NOTCH4: variants seen among roughly 807,000 people sequenced by gnomAD.
NOTCH4 encodes the protein notch receptor 4, also known as neurogenic locus notch homolog protein 4.
NOTCH4 carries 138 observed loss-of-function variants against 189.0 expected under a neutral mutation model. The ratio of observed to expected loss-of-function variants is 0.73; its 90% CI spans 0.64 to 0.84. The LOEUF (loss-of-function observed/expected upper bound fraction) is 0.84, where lower values mean the gene tolerates loss of function less well. Among genes scored for constraint, NOTCH4 ranks in the 40% least tolerant of loss-of-function variants. The probability of loss-of-function intolerance (pLI) is 0.00; values close to 1 mark genes in which losing one functional copy is unlikely to be tolerated. For synonymous variants in NOTCH4, 942 were observed against 1,032.8 expected (o/e 0.91, Z 1.69); for missense variants, 2,286 against 2,605.4 (o/e 0.88, Z 2.67).
chr6:32,218,040 C>A lies in NOTCH4; in HGVS notation c.1579G>T (p.Asp527Tyr), dbSNP rs1789523098. Reference protein sequence around the residue: ...CASAPCLNHADCHDLLNGFQC... With the variant: ...CASAPCLNHAYCHDLLNGFQC... Reference sequence around the variant, plus strand: ...AAGCCGTTGAGCAGGTCATGGCAATCCGCGTGGTTCAGGCAGGGAGCTGAG... The same window carrying A: ...AAGCCGTTGAGCAGGTCATGGCAATACGCGTGGTTCAGGCAGGGAGCTGAG... The change falls in exon 9 of 30, where the codon GAT becomes TAT. Residue 527 changes from aspartate (D) to tyrosine (Y), a missense_variant. By Grantham distance (160) the Asp-to-Tyr change is radical (BLOSUM62 -3). Coordinates refer to ENST00000375023, the MANE Select transcript of NOTCH4 (RefSeq NM_004557.4). 1 of 1,614,014 alleles carries A rather than the reference C, an allele frequency of 6.2e-7. No homozygotes were observed. The highest frequency in any genetic ancestry group is 8.5e-7 in the Non-Finnish European group (1 of 1,179,960).
At chr6:32,214,697 G>A (rs1333903060) in intron 12 of NOTCH4, among the ~76,000 whole-genome samples, 1 of 151,150 alleles carries the variant, frequency 6.6e-6, no homozygotes. Flanking sequence ...GCATGATCTT[G>A]GCTGACTGCA....
At position 32,202,610 on chromosome 6, in the gene NOTCH4, G is replaced by A. The variant is rs758030432; in HGVS notation, c.3232-11C>T. 1 of 1,564,040 alleles carries A rather than the reference G, an allele frequency of 6.4e-7. No individual in the cohort carries two copies. The highest frequency in any genetic ancestry group is 8.7e-7 in the Non-Finnish European group (1 of 1,151,572). ...GGGGCCTTCAAAACCCTGTGGAGGG[G>A]AGGGGAGATATTGGAGATGCAACTT... On this transcript the variant is annotated splice_polypyrimidine_tract_variant and intron_variant, in intron 20 of 29. Transcript: ENST00000375023. The surrounding 1 kb of genome is among the most constrained non-coding windows in gnomAD (Gnocchi z 5.7).
At chr6:32,216,634 G>C in intron 11 of NOTCH4, 1 of 495,708 alleles carries the variant, frequency 2.0e-6, no homozygotes, top group Non-Finnish European at 3.7e-6. Flanking sequence ...ATTTGCCTCC[G>C]TATCTGGCAT....
chr6:32,196,343 T>G lies in NOTCH4; in HGVS notation c.5279A>C (p.Lys1760Thr). The G allele has an allele frequency of 6.2e-7, 1 of 1,613,124 alleles. No individual in the cohort carries two copies. Among genetic ancestry groups the G allele is most frequent in the Non-Finnish European group, 8.5e-7 (1 of 1,180,032 alleles). ...TCTAACCCTGTTGTCCTGGGCATCT[T>G]TATCGGCTCCGGCCTGGAGAAGCGA... is the stretch of plus-strand genomic sequence containing the variant. The part of the protein sequence containing the change: ...ARSLLQAGAD[K>T]DAQDNREQTP... The change falls in exon 29 of 30, where the codon AAA becomes ACA. Residue 1760 changes from lysine to threonine, a missense_variant. By Grantham distance (78) the Lys-to-Thr change is moderately conservative (BLOSUM62 -1). Around this residue, in one of 2 missense-constraint regions of NOTCH4, gnomAD observed 383 missense variants for 343.5 expected, o/e 1.11. Coordinates refer to ENST00000375023, the MANE Select transcript of NOTCH4 (RefSeq NM_004557.4).
chr6:32,196,264 C>T, intron 29 of NOTCH4, 60 bp downstream of exon 29: 2 of 1,612,912 alleles, frequency 1.2e-6, no homozygotes, highest in Non-Finnish European at 1.7e-6. Flanking sequence ...TGCGGGTTAC[C>T]GCACTTTCCA....
Position 32,197,347 on chromosome 6 carries a change from G to T in NOTCH4, c.5004C>A (p.Arg1668=). The T allele has an allele frequency of 6.5e-7, 1 of 1,536,572 alleles. No individual in the cohort carries two copies. Among genetic ancestry groups the T allele is most frequent in the East Asian group, 2.3e-5 (1 of 44,186 alleles). The change falls in exon 27 of 30, where the codon CGC becomes CGA. Residue 1668 remains arginine (R), a synonymous_variant. Coordinates refer to ENST00000375023, the MANE Select transcript of NOTCH4 (RefSeq NM_004557.4). ...ANPNQPDRAG[R]TPLHAAVAAD... ...CAGCCACAGCAGCATGAAGGGGTGT[G>T]CGCCCTGCCCGGTCTGGCTGGTTGG... is the stretch of plus-strand genomic sequence containing the variant.
intron 18 of NOTCH4, among the ~76,000 whole-genome samples, chr6:32,204,905 G>C (rs907064396): frequency 1.3e-5 from 2 of 152,106 alleles, no homozygotes; most frequent in African/African-American, 4.8e-5. Flanking sequence ...TATCTCATTC[G>C]ATTTTTACTT....
chr6:32,201,049 C>G lies in NOTCH4; in HGVS notation c.4140-43G>C, dbSNP rs1683136008. ...CAGAGACCTCTGTATTGGTCCCTGG[C>G]TCCCTTTCCTCCCTCTGCCCTCTTA... On this transcript the variant is annotated intron_variant, in intron 22 of 29. Transcript: ENST00000375023. The surrounding 1 kb of genome is among the most constrained non-coding windows in gnomAD (Gnocchi z 5.5). 6.4e-7 allele frequency: 1 copy of G among 1,560,780 alleles called. No homozygotes were observed. Among genetic ancestry groups the G allele is most frequent in the South Asian group, 1.2e-5 (1 of 81,562 alleles).
intron 18 of NOTCH4, among the ~76,000 whole-genome samples, chr6:32,208,504 G>A (rs145889342): frequency 2.0e-5 from 3 of 152,274 alleles, no homozygotes; most frequent in Non-Finnish European, 2.9e-5. Context: ...AGGTTGAGGC[G>A]GGAAGATCAT....
intron 8 of NOTCH4, among the ~76,000 whole-genome samples, chr6:32,218,551 C>T (rs1005930566): frequency 6.6e-6 from 1 of 152,168 alleles, no homozygotes; most frequent in Non-Finnish European, 1.5e-5. Context: ...ATCTGGGAAG[C>T]TTGTTGCTCC....
At chr6:32,197,912 C>T (rs1037890985) in intron 26 of NOTCH4, among the ~76,000 whole-genome samples, 1 of 151,468 alleles carries the variant, frequency 6.6e-6, no homozygotes, top group African/African-American at 2.4e-5. Context: ...AGCTCCTCCT[C>T]CCAGGTTCAC....
Position 32,212,891 on chromosome 6 carries a change from G to A in NOTCH4, c.2459C>T (p.Thr820Ile). The change falls in exon 16 of 30, where the codon ACC (threonine) becomes ATC (isoleucine). Residue 820 changes from threonine (T) to isoleucine (I), a missense_variant. Transcript: ENST00000375023. This position sits in a 1 kb window ranked among gnomAD's most constrained non-coding sequence, Gnocchi z 4.4. ...CADSPCRNRA[T>I]CQDSPQGPRC... ...GGGACCCTGAGGGCTGTCCTGGCAG[G>A]TTGCCCTATTCCTACAGGGGCTGAA... 1 of 1,559,154 alleles carries A rather than the reference G, an allele frequency of 6.4e-7. No individual in the cohort carries two copies. The highest frequency in any genetic ancestry group is 8.7e-7 in the Non-Finnish European group (1 of 1,151,148).
intron 13 of NOTCH4, 45 bp downstream of exon 13, chr6:32,214,065 G>A: frequency 6.3e-7 from 1 of 1,576,020 alleles, no homozygotes; most frequent in Non-Finnish European, 8.6e-7. Flanking sequence ...CCTTGACATA[G>A]GGGGTGACCA....
chr6:32,219,739 T>G lies in NOTCH4; in HGVS notation c.1363A>C (p.Thr455Pro). 6.2e-7 allele frequency: 1 copy of G among 1,610,952 alleles called. No homozygotes were observed. ...PCEHGGSCLN[T>P]PGSFNCLCPP... ...CAGAGGCAGTTGAAGGAGCCAGGAGTGTTGAGGCAGGAACCGCCATGTTCA... is the reference window on the plus strand; with the variant it reads ...CAGAGGCAGTTGAAGGAGCCAGGAGGGTTGAGGCAGGAACCGCCATGTTCA... Residue 455 changes from threonine to proline, a missense_variant, in exon 8 of 30, where the codon ACT (threonine) becomes CCT (proline). This residue lies in a region of NOTCH4 where 1,903 missense variants were observed against 2,261.9 expected (regional missense o/e 0.84). Coordinates refer to ENST00000375023, the MANE Select transcript of NOTCH4 (RefSeq NM_004557.4).
rs763670446 is a variant in NOTCH4, at chr6:32,212,434, TTTC to T, written c.2680+37_2680+39del. 6.4e-7 allele frequency: 1 copy of T among 1,561,574 alleles called. No individual in the cohort carries two copies. Reference sequence around the variant, plus strand: ...ACGGGGCAGGTGAGAACACCCATATTTTCTTCATTTGCTCTCCAGTCAGTGCCG... The same window carrying T: ...ACGGGGCAGGTGAGAACACCCATATTTTCATTTGCTCTCCAGTCAGTGCCG... On this transcript the variant is annotated intron_variant, in intron 17 of 29. Coordinates refer to ENST00000375023, the MANE Select transcript of NOTCH4 (RefSeq NM_004557.4). The surrounding 1 kb of genome is among the most constrained non-coding windows in gnomAD (Gnocchi z 4.4).
rs1446583476 is a variant in NOTCH4 at position 32,210,907 on chromosome 6, C to T, written c.2710G>A (p.Gly904Arg). The T allele has an allele frequency of 1.2e-6, 2 of 1,605,490 alleles. No individual in the cohort carries two copies. The highest frequency in any genetic ancestry group is 1.7e-5 in the Admixed American group (1 of 58,520). ...GGGCCGCTGTCGACACAGAGGCCTC[C>T]ATTGTGGCAAAGGGAAGAGACGTCT... ...GIDVSSLCHNGGLCVDSGPSY... is the reference protein window; with the variant it reads ...GIDVSSLCHNRGLCVDSGPSY... Residue 904 changes from glycine (G) to arginine (R), a missense_variant, in exon 18 of 30, where the codon GGA (glycine) becomes AGA (arginine). Gly to Arg is a moderately radical substitution (Grantham distance 125, BLOSUM62 -2). Transcript: ENST00000375023. The surrounding 1 kb of genome is among the most constrained non-coding windows in gnomAD (Gnocchi z 4.8).
rs988401099 is a variant in NOTCH4, at chr6:32,195,901, C to A, written c.5548G>T (p.Val1850Leu). 1.3e-6 allele frequency: 2 copies of A among 1,587,412 alleles called. No homozygotes were observed. The highest frequency in any genetic ancestry group is 2.7e-5 in the African/African-American group (2 of 74,742). ...FPRARTVSVSVPPHGGGALPR... is the reference protein window; with the variant it reads ...FPRARTVSVSLPPHGGGALPR... ...AGAGCCCCGCCCCCATGCGGGGGCA[C>A]GCTTACTGACACCGTCCGTGCGCGC... The change falls in exon 30 of 30, where the codon GTG (valine) becomes TTG (leucine). Residue 1850 changes from valine to leucine, a missense_variant. Val to Leu is a conservative substitution (Grantham distance 32, BLOSUM62 1). This residue lies in a region of NOTCH4 where 383 missense variants were observed against 343.5 expected (regional missense o/e 1.11). Transcript: ENST00000375023. The surrounding 1 kb of genome is among the most constrained non-coding windows in gnomAD (Gnocchi z 5.4).
Position 32,222,536 on chromosome 6 carries a change from C to T in NOTCH4, c.426G>A (p.Gln142=). The T allele has an allele frequency of 6.4e-7, 1 of 1,553,920 alleles. No individual in the cohort carries two copies. Among genetic ancestry groups the T allele is most frequent in the Non-Finnish European group, 8.7e-7 (1 of 1,155,246 alleles). ...RCHIQASGRP[Q]CSCMPGWTGE... is the part of the protein sequence containing the mutation. ...CTGTCCATCCAGGCATGCAGGAGCA[C>T]TGTGGGCGGCCCGAGGCCTGGATGT... Residue 142 remains glutamine (Q), a synonymous_variant, in exon 3 of 30, where the codon CAG becomes CAA. Coordinates refer to ENST00000375023, the MANE Select transcript of NOTCH4 (RefSeq NM_004557.4).
rs1788191327 is a variant in NOTCH4, at chr6:32,199,358, G to A, written c.4316-213C>T. On this transcript the variant is annotated intron_variant, in intron 23 of 29. Coordinates refer to ENST00000375023, the MANE Select transcript of NOTCH4 (RefSeq NM_004557.4). The surrounding 1 kb of genome is among the most constrained non-coding windows in gnomAD (Gnocchi z 4.9). The stretch of plus-strand genomic sequence containing the variant: ...GAGGCAGGTGGATCATATGAGGCCA[G>A]GAGTTCGAGACCAGCCTGGCCAACA... Among the ~76,000 whole-genome samples the A allele has an allele frequency of 6.6e-6, 1 of 152,230 alleles. No homozygotes were observed. The highest frequency in any genetic ancestry group is 1.5e-5 in the Non-Finnish European group (1 of 68,042).
Sources: allele counts gnomAD v4.1 joint callset (sites outside exome capture counted in the v4.1 genomes callset), GRCh38; gene constraint gnomAD v4.1.1; regional missense constraint gnomAD v4.1.1; non-coding constraint Gnocchi (gnomAD v3.1); transcripts MANE v1.5; gene names NCBI Gene and HGNC (gene_info 2026-07-23, HGNC 2026-07-21).